ZFYVE26: variants seen among roughly 807,000 people sequenced by gnomAD.
ZFYVE26 encodes the protein zinc finger FYVE-type containing 26, also known as zinc finger FYVE domain-containing protein 26.
In ZFYVE26, 181 loss-of-function variants were observed where a neutral mutation model predicts 276.5. The ratio of observed to expected loss-of-function variants is 0.65; its 90% confidence interval spans 0.58 to 0.74. ZFYVE26 has a LOEUF of 0.74. Ranked by LOEUF, ZFYVE26 falls within the 30% of genes least tolerant of loss-of-function variation. The probability of loss-of-function intolerance (pLI) is 0.00; values close to 1 mark genes in which losing one functional copy is unlikely to be tolerated. For missense variants in ZFYVE26, 2,821 were observed against 3,097.9 expected (o/e 0.91, Z 2.12); for synonymous variants, 1,129 against 1,203.1 (o/e 0.94, Z 1.27).
At position 67,755,189 on chromosome 14, in the gene ZFYVE26, G is replaced by T; in HGVS notation, c.6848C>A (p.Thr2283Lys). 1 of 1,614,188 alleles carries T rather than the reference G, an allele frequency of 6.2e-7. No individual in the cohort carries two copies. Among genetic ancestry groups the T allele is most frequent in the Non-Finnish European group, 8.5e-7 (1 of 1,180,042 alleles). ...CCATGAGAGCTTCTCTCCCAGTTCT[G>T]TATATGACTTTGCTTTGTGACTGAA... ...RFFSHKAKSY[T>K]ELGEKLSWLL... Residue 2283 changes from threonine (T) to lysine (K), a missense_variant, in exon 37 of 42, where the codon ACA becomes AAA. Physicochemically the swap from Thr to Lys is moderately conservative, Grantham distance 78. Transcript: ENST00000347230.
rs755297892 is a variant in ZFYVE26 at position 67,783,260 on chromosome 14, G to A, written c.3892C>T (p.Pro1298Ser). 4 of 1,613,996 alleles carry A rather than the reference G, an allele frequency of 2.5e-6. No individual in the cohort carries two copies. The highest frequency in any genetic ancestry group is 4.5e-5 in the East Asian group (2 of 44,868). The change falls in exon 21 of 42, where the codon CCA becomes TCA. Residue 1298 changes from proline (P) to serine (S), a missense_variant. Transcript: ENST00000347230. ...PYSSPRDSSL[P>S]ALTSSALAFL... The stretch of plus-strand genomic sequence containing the variant: ...GCCAAGGCAGAGGAGGTGAGGGCTG[G>A]GAGTGATGAGTCCCTTGGGGAGGAG...
At chr14:67,770,116 T>C in intron 28 of ZFYVE26, 1 of 302,542 alleles carries the variant, frequency 3.3e-6, no homozygotes, top group Non-Finnish European at 6.4e-6. Flanking sequence ...CCTTTATTTG[T>C]TTTCCCCAAG....
Position 67,762,656 on chromosome 14 carries a change from T to C in ZFYVE26, c.6159+16A>G. 2 of 1,612,580 alleles carry C rather than the reference T, an allele frequency of 1.2e-6. No individual in the cohort carries two copies. ...CAGTGGGGTGGAAGTAAGCTTTGTC[T>C]TTGTCTTTGTCTCACCTCAACGCCC... On this transcript the variant is annotated intron_variant, in intron 33 of 41. Coordinates refer to ENST00000347230, the MANE Select transcript of ZFYVE26 (RefSeq NM_015346.4).
At position 67,766,257 on chromosome 14, in the gene ZFYVE26, C is replaced by A; in HGVS notation, c.5981G>T (p.Gly1994Val). ...ACAAAGAGCCAAGTCTTGGCTCTGG[C>A]CGGCTTTGACGAACATCATCTTGGC... Reference protein sequence around the residue: ...FSAKMMFVKAGQSQDLALCDS... With the variant: ...FSAKMMFVKAVQSQDLALCDS... Residue 1994 changes from glycine (G) to valine (V), a missense_variant, in exon 32 of 42, where the codon GGC (glycine) becomes GTC (valine). Gly to Val is a moderately radical substitution (Grantham distance 109, BLOSUM62 -3). Transcript: ENST00000347230. The A allele has an allele frequency of 1.2e-6, 2 of 1,614,084 alleles. No individual in the cohort carries two copies. The highest frequency in any genetic ancestry group is 1.7e-6 in the Non-Finnish European group (2 of 1,180,042).
At chr14:67,788,854 GCCTAATTCTA>G (rs1478205310) in intron 16 of ZFYVE26, among the ~76,000 whole-genome samples, 7 of 152,156 alleles carry the variant, frequency 4.6e-5, no homozygotes, top group Non-Finnish European at 8.8e-5. Context: ...GTAGAACGTT[GCCTAATTCTA>G]CCTTCATATA....
downstream of ZFYVE26, among the ~76,000 whole-genome samples, chr14:67,744,634 A>G (rs2038459220): frequency 1.3e-5 from 2 of 151,982 alleles, no homozygotes; most frequent in Admixed American, 1.3e-4. Context: ...TCATTGTTCA[A>G]CTTCCACTTA....
intron 41 of ZFYVE26, among the ~76,000 whole-genome samples, chr14:67,749,738 G>C (rs1473301442): frequency 1.3e-5 from 2 of 152,208 alleles, no homozygotes; most frequent in Middle Eastern, 3.2e-3. Context: ...AAGTGATCCA[G>C]TCCTGTGCCG....
intron 18 of ZFYVE26, 104 bp from the exon 19 acceptor site, chr14:67,785,381 C>T: frequency 2.0e-6 from 2 of 1,022,534 alleles, no homozygotes; most frequent in Non-Finnish European, 3.0e-6. Context: ...TATACACTGC[C>T]TGGGGCATCT....
intron 12 of ZFYVE26, among the ~76,000 whole-genome samples, chr14:67,794,890 A>C (rs959196463): frequency 2.6e-5 from 4 of 152,202 alleles, no homozygotes; most frequent in African/African-American, 9.6e-5. Context: ...TCAAGGTTAC[A>C]GTGAGCTATG....
chr14:67,789,654 C>T, intron 15 of ZFYVE26, 56 bp from the exon 16 acceptor site: 1 of 1,610,460 alleles, frequency 6.2e-7, no homozygotes, highest in African/African-American at 1.3e-5. Context: ...CTTACTACAA[C>T]TTTTATTAGG....
intron 13 of ZFYVE26, chr14:67,733,677 AG>A (rs755140910): frequency 1.1e-5 from 11 of 1,000,488 alleles, no homozygotes; most frequent in Non-Finnish European, 1.6e-5. Flanking sequence ...ATTCTGAGAA[AG>A]GGACCATAAA....
Position 67,809,420 on chromosome 14 carries a change from T to A in ZFYVE26, c.274-131A>T, listed in dbSNP as rs926820576. 3.4e-3 allele frequency: 1,967 copies of A among 584,924 alleles called. 87 individuals carry two copies. The Admixed American group carries it at 0.055, about 16-fold the overall frequency. The allele number at this position is 584,924 out of a possible 1,614,324, so 36.2% of individuals were successfully genotyped here. A position where few individuals can be genotyped will look rare whatever the true frequency, so the allele number is the denominator to read the frequency against. On this transcript the variant is annotated intron_variant, in intron 3 of 41. Coordinates refer to ENST00000347230, the MANE Select transcript of ZFYVE26 (RefSeq NM_015346.4). The stretch of plus-strand genomic sequence containing the variant: ...AAGATGAAGCACTCTTTTTTTTTTT[T>A]TTTTTTTTTTTTTTTATTTTGAGAC...
intron 3 of ZFYVE26, among the ~76,000 whole-genome samples, chr14:67,809,533 A>C (rs181567): frequency 6.7e-6 from 1 of 149,864 alleles, no homozygotes; most frequent in South Asian, 2.1e-4. Flanking sequence ...AGCGATTCTC[A>C]GGCCTCAGCC....
chr14:67,778,048 C>T (rs2039393881), intron 24 of ZFYVE26, 78 bp downstream of exon 24: 3 of 1,591,476 alleles, frequency 1.9e-6, no homozygotes, highest in Admixed American at 1.7e-5. Context: ...TGGGATTCAA[C>T]ATGAAAATAA....
At position 67,785,168 on chromosome 14, in the gene ZFYVE26, C is replaced by T. The variant is rs190942620; in HGVS notation, c.3414G>A (p.Leu1138=). Reference sequence around the variant, plus strand: ...TGCTGCCTGATGGGGTCTGTTTGCCCAGGTTCTTCTGGAGGAGCTGAGTCT... The same window carrying T: ...TGCTGCCTGATGGGGTCTGTTTGCCTAGGTTCTTCTGGAGGAGCTGAGTCT... ...QIQTQLLQKN[L]GKQTPSGSRQ... is the part of the protein sequence containing the mutation. The change falls in exon 19 of 42, where the codon CTG becomes CTA. Residue 1138 remains leucine (L), a synonymous_variant. Coordinates refer to ENST00000347230, the MANE Select transcript of ZFYVE26 (RefSeq NM_015346.4). The T allele has an allele frequency of 3.6e-5, 58 of 1,614,184 alleles. No individual in the cohort carries two copies. In the East Asian group the frequency reaches 1.0e-3, roughly 29 times the overall value.
At chr14:67,775,330 T>C (rs1201160483) in intron 26 of ZFYVE26, among the ~76,000 whole-genome samples, 2 of 152,092 alleles carry the variant, frequency 1.3e-5, no homozygotes, top group African/African-American at 4.8e-5. Flanking sequence ...TGTGAGATAA[T>C]GAAATGGACA....
Position 67,731,210 on chromosome 14 carries a change from T to C in ZFYVE26, n.2680-1391A>G, listed in dbSNP as rs1246472888. ...TTCTCATCATATTTCTTTCTTTCTTTTTTTTTTTTTTTTTTTTTTTTGGAG... is the reference window on the plus strand; with the variant it reads ...TTCTCATCATATTTCTTTCTTTCTTCTTTTTTTTTTTTTTTTTTTTTGGAG... On this transcript the variant is annotated intron_variant and non_coding_transcript_variant, in intron 13 of 14. Coordinates refer to the ZFYVE26 transcript ENST00000394455. Among the ~76,000 whole-genome samples the C allele has an allele frequency of 8.0e-3, 857 of 106,870 alleles. 6 individuals are homozygous for C. Among genetic ancestry groups the C allele is most frequent in the Non-Finnish European group, 0.013 (655 of 49,566 alleles). The allele number at this position is 106,870 out of a possible 152,430, so 70.1% of individuals were successfully genotyped here. A position where few individuals can be genotyped will look rare whatever the true frequency, so the allele number is the denominator to read the frequency against.
chr14:67,749,694 G>A (rs923389114), intron 41 of ZFYVE26, among the ~76,000 whole-genome samples: 6 of 152,172 alleles, frequency 3.9e-5, no homozygotes, highest in Non-Finnish European at 5.9e-5. Flanking sequence ...ATCTCCTACA[G>A]CTAGATGATG....
At chr14:67,774,583 T>C (rs1398080947) in intron 27 of ZFYVE26, among the ~76,000 whole-genome samples, 1 of 152,086 alleles carries the variant, frequency 6.6e-6, no homozygotes, top group African/African-American at 2.4e-5. Flanking sequence ...GCTAGTTGAA[T>C]GGGATTTGAA....
Sources: gnomAD v4.1 joint callset for allele counts (sites outside exome capture counted in the v4.1 genomes callset) on GRCh38, gnomAD v4.1.1 for gene constraint, MANE v1.5 for transcripts, NCBI Gene and HGNC (gene_info 2026-07-23, HGNC 2026-07-21) for gene names.